Variants in RAPGEF4 observed in about 807,000 individuals in gnomAD.
RAPGEF4 encodes the protein Rap guanine nucleotide exchange factor 4.
Under a neutral mutation model 147.9 loss-of-function variants are expected in RAPGEF4, and 66 were observed. The ratio of observed to expected loss-of-function variants is 0.45; its 90% CI spans 0.37 to 0.55. RAPGEF4 has a LOEUF of 0.55. Ranked by LOEUF, RAPGEF4 falls within the 20% of genes least tolerant of loss-of-function variation. The probability of loss-of-function intolerance (pLI) is 0.00; values close to 1 mark genes in which losing one functional copy is unlikely to be tolerated. For synonymous variants in RAPGEF4, 419 were observed against 442.7 expected, an observed-to-expected ratio of 0.95 and a Z score of 0.67; for missense variants, 1,071 against 1,257.3, an observed-to-expected ratio of 0.85 and a Z score of 2.24.
chr2:172,840,461 A>C (rs1691458095), intron 4 of RAPGEF4, among the ~76,000 whole-genome samples: 1 of 152,172 alleles, frequency 6.6e-6, no homozygotes, highest in South Asian at 2.1e-4. Flanking sequence ...GTGATCAACC[A>C]CTTGTTCTTT....
At chr2:172,844,837 T>C (rs1283842183) in intron 4 of RAPGEF4, among the ~76,000 whole-genome samples, 1 of 152,250 alleles carries the variant, frequency 6.6e-6, no homozygotes, top group African/African-American at 2.4e-5. Flanking sequence ...AGTTTCAGTT[T>C]AATGTCATCT....
intron 6 of RAPGEF4, among the ~76,000 whole-genome samples, chr2:172,933,400 C>G (rs773218497): frequency 6.6e-6 from 1 of 152,118 alleles, no homozygotes; most frequent in African/African-American, 2.4e-5. Flanking sequence ...CAACTGCCAT[C>G]AACCGAGGGA....
chr2:172,761,890 G>A (rs545817433), intron 1 of RAPGEF4, among the ~76,000 whole-genome samples: 5 of 152,094 alleles, frequency 3.3e-5, no homozygotes, highest in South Asian at 2.1e-4. Context: ...TTGGGAGGCC[G>A]AGGTAGGTGG....
intron 27 of RAPGEF4, among the ~76,000 whole-genome samples, chr2:173,034,875 CA>C (rs1160405561): frequency 8.8e-5 from 1 of 11,322 alleles, no homozygotes; most frequent in African/African-American, 1.0e-4. Flanking sequence ...CCCGTCTCAA[CA>C]CACACACACA....
intron 10 of RAPGEF4, among the ~76,000 whole-genome samples, chr2:172,980,952 T>C (rs4989336): frequency 0.073 from 11,098 of 152,168 alleles, 596 homozygotes; most frequent in South Asian, 0.16. Flanking sequence ...CCAGGCAGGA[T>C]AGCATTTTTA....
chr2:172,857,550 A>G (rs939687826), intron 4 of RAPGEF4, among the ~76,000 whole-genome samples: 2 of 152,084 alleles, frequency 1.3e-5, no homozygotes, highest in African/African-American at 4.8e-5. Context: ...GAAAATCCCT[A>G]TTTTCAGAGT....
intron 4 of RAPGEF4, among the ~76,000 whole-genome samples, chr2:172,866,951 C>CT (rs368474331): frequency 0.19 from 26,384 of 139,670 alleles, 2,578 homozygotes; most frequent in East Asian, 0.35. Context: ...CAAAACTGCT[C>CT]TTTTTTTTTT....
intron 24 of RAPGEF4, 88 bp from the exon 25 acceptor site, chr2:173,026,993 A>T (rs1399317639): frequency 1.7e-6 from 2 of 1,201,200 alleles, no homozygotes; most frequent in East Asian, 4.9e-5. Flanking sequence ...TTTGCTGACC[A>T]GTAAAACACT....
At chr2:172,955,570 G>A (rs1409366686) in intron 6 of RAPGEF4, among the ~76,000 whole-genome samples, 4 of 152,174 alleles carry the variant, frequency 2.6e-5, no homozygotes. Context: ...TGCTCAGGTA[G>A]GGAGGAAGAA....
chr2:172,909,293 A>G (rs1024059723), intron 4 of RAPGEF4, among the ~76,000 whole-genome samples: 1 of 152,144 alleles, frequency 6.6e-6, no homozygotes, highest in Non-Finnish European at 1.5e-5. Flanking sequence ...TTGGAGTAAC[A>G]CTAGAGCTCA....
At chr2:172,940,141 C>T (rs976446195) in intron 6 of RAPGEF4, among the ~76,000 whole-genome samples, 1 of 152,014 alleles carries the variant, frequency 6.6e-6, no homozygotes, top group Non-Finnish European at 1.5e-5. Flanking sequence ...ATGTTTTTCT[C>T]AAGATTAGAC....
intron 6 of RAPGEF4, among the ~76,000 whole-genome samples, chr2:172,927,042 A>T (rs190640448): frequency 2.6e-5 from 4 of 152,306 alleles, no homozygotes; most frequent in African/African-American, 2.4e-5. Flanking sequence ...CAGCCTGGAG[A>T]TCATCTCAAA....
chr2:172,924,409 T>A (rs73030883), intron 6 of RAPGEF4, among the ~76,000 whole-genome samples: 116 of 152,360 alleles, frequency 7.6e-4, no homozygotes, highest in African/African-American at 2.6e-3. Flanking sequence ...ACTGTTAGCA[T>A]GTTGTTCTGA....
chr2:172,913,679 T>C (rs571322657), intron 4 of RAPGEF4, among the ~76,000 whole-genome samples: 2 of 152,336 alleles, frequency 1.3e-5, no homozygotes, highest in Non-Finnish European at 2.9e-5. Flanking sequence ...ATTGTTTGTA[T>C]GGTTTTTTGT....
chr2:172,852,106 T>G (rs1031860885), intron 4 of RAPGEF4, among the ~76,000 whole-genome samples: 2 of 152,358 alleles, frequency 1.3e-5, no homozygotes, highest in East Asian at 3.9e-4. Context: ...TTTGTTTGTG[T>G]AACTGTATAG....
At chr2:172,834,525 G>A (rs550601695) in intron 4 of RAPGEF4, among the ~76,000 whole-genome samples, 14 of 152,260 alleles carry the variant, frequency 9.2e-5, no homozygotes, top group East Asian at 7.7e-4. Context: ...TTTTCTGCAT[G>A]CTCTGAAACC....
intron 4 of RAPGEF4, among the ~76,000 whole-genome samples, chr2:172,897,764 A>ATTTTATTTTATTTTAT (rs142965204): frequency 1.6e-5 from 2 of 123,848 alleles, no homozygotes; most frequent in Non-Finnish European, 3.5e-5. Flanking sequence ...ATTTTATTTT[A>ATTTTATTTTATTTTAT]TTTATTTTAT....
At chr2:173,047,566 A>G (rs1685634390) in intron 29 of RAPGEF4, among the ~76,000 whole-genome samples, 1 of 152,156 alleles carries the variant, frequency 6.6e-6, no homozygotes, top group Non-Finnish European at 1.5e-5. Flanking sequence ...GTTTTTATAT[A>G]TTTTTAAATA....
intron 1 of RAPGEF4, among the ~76,000 whole-genome samples, chr2:172,764,829 G>A (rs889531490): frequency 3.9e-5 from 6 of 152,180 alleles, no homozygotes; most frequent in South Asian, 2.1e-4. Flanking sequence ...GAAGCACTGG[G>A]CAATTTGGTC....
Sources: allele counts gnomAD v4.1 joint callset (sites outside exome capture counted in the v4.1 genomes callset), GRCh38; gene constraint gnomAD v4.1.1; transcripts MANE v1.5; gene names NCBI Gene and HGNC (gene_info 2026-07-23, HGNC 2026-07-21).